Variants in MPP7 observed in about 807,000 individuals in gnomAD.
The protein encoded by MPP7 is MAGUK p55 scaffold protein 7.
Under a neutral mutation model 76.5 loss-of-function variants are expected in MPP7, and 60 were observed. The ratio of observed to expected loss-of-function variants is 0.78; its 90% CI spans 0.64 to 0.97. The LOEUF is 0.97. Among genes scored for constraint, MPP7 ranks in the 50% least tolerant of loss-of-function variants. MPP7 has a pLI of 0.00. For synonymous variants in MPP7, 237 were observed against 244.5 expected, an observed-to-expected ratio of 0.97 and a Z score of 0.29; for missense variants, 641 against 694.0, an observed-to-expected ratio of 0.92 and a Z score of 0.86.
chr10:28,253,384 G>A (rs371542353), intron 1 of MPP7, among the ~76,000 whole-genome samples: 3 of 152,086 alleles, frequency 2.0e-5, no homozygotes, highest in South Asian at 2.1e-4. Context: ...TAGTGAGCCC[G>A]ACAAATGTAA....
chr10:28,130,561 A>G (rs1015456106), intron 6 of MPP7, among the ~76,000 whole-genome samples: 6 of 152,214 alleles, frequency 3.9e-5, no homozygotes, highest in African/African-American at 1.4e-4. Flanking sequence ...ATTTCAGCTT[A>G]GCTTCCAGCA....
rs116070510 is a variant in MPP7, at chr10:28,173,664, A to C, written c.157-23605T>G. Among the ~76,000 whole-genome samples, 1,052 of 152,298 alleles carry C rather than the reference A, an allele frequency of 6.9e-3. 11 individuals are homozygous for C. The highest frequency in any genetic ancestry group is 0.024 in the African/African-American group (986 of 41,556). On this transcript the variant is annotated intron_variant, in intron 3 of 16. Coordinates refer to ENST00000683449, the MANE Select transcript of MPP7 (RefSeq NM_001318170.2). ...CATCCTCAACTATTCCTTTGTAGCA[A>C]CACAAAACAAAGATAACCCGCAACC...
At chr10:28,244,338 G>C (rs1446647363) in intron 1 of MPP7, among the ~76,000 whole-genome samples, 2 of 152,132 alleles carry the variant, frequency 1.3e-5, no homozygotes, top group African/African-American at 4.8e-5. Flanking sequence ...TAAAGATTCA[G>C]TTCTTAATCA....
intron 3 of MPP7, among the ~76,000 whole-genome samples, chr10:28,167,314 A>ACAAACAAAC (rs1554844807): frequency 2.2e-5 from 3 of 137,872 alleles, no homozygotes; most frequent in African/African-American, 8.1e-5. Flanking sequence ...CTGCCTCAAA[A>ACAAACAAAC]AAACAAACAA....
chr10:28,200,089 G>A (rs572036945), intron 3 of MPP7, among the ~76,000 whole-genome samples: 10 of 152,214 alleles, frequency 6.6e-5, no homozygotes, highest in South Asian at 4.1e-4. Context: ...CAAGATTTAC[G>A]TACAAAAGCT....
intron 6 of MPP7, among the ~76,000 whole-genome samples, chr10:28,126,098 A>G (rs1396494425): frequency 6.6e-6 from 1 of 152,258 alleles, no homozygotes; most frequent in Non-Finnish European, 1.5e-5. Flanking sequence ...GTCCATCTGT[A>G]ATAAGTATCC....
At chr10:28,293,092 T>A (rs1261426466) in intron 1 of MPP7, among the ~76,000 whole-genome samples, 1 of 145,378 alleles carries the variant, frequency 6.9e-6, no homozygotes, top group Non-Finnish European at 1.5e-5. Context: ...AGATTCCGTT[T>A]AATGAAAGAT....
At chr10:28,170,352 TAA>T (rs1836639135) in intron 3 of MPP7, among the ~76,000 whole-genome samples, 1 of 151,710 alleles carries the variant, frequency 6.6e-6, no homozygotes, top group South Asian at 2.1e-4. Context: ...TTTTTTTATA[TAA>T]AGATGGGGTC....
chr10:28,062,796 C>G, intron 13 of MPP7, among the ~76,000 whole-genome samples: 1 of 152,060 alleles, frequency 6.6e-6, no homozygotes, highest in East Asian at 1.9e-4. Context: ...CTGTTTTCCC[C>G]TGAGATCAGG....
At chr10:28,167,314 AAAAC>A (rs71391017) in intron 3 of MPP7, among the ~76,000 whole-genome samples, 16 of 137,968 alleles carry the variant, frequency 1.2e-4, no homozygotes, top group South Asian at 5.3e-4. Flanking sequence ...CTGCCTCAAA[AAAAC>A]AAACAAACAA....
intron 2 of MPP7, among the ~76,000 whole-genome samples, chr10:28,318,258 G>A (rs1050779243): frequency 2.6e-5 from 4 of 152,176 alleles, no homozygotes; most frequent in African/African-American, 9.7e-5. Context: ...GAACAGGGAT[G>A]TTATGATCAT....
intron 1 of MPP7, among the ~76,000 whole-genome samples, chr10:28,239,114 ATT>A (rs979846672): frequency 2.9e-4 from 44 of 151,970 alleles, no homozygotes; most frequent in African/African-American, 1.0e-3. Context: ...GACTATATAA[ATT>A]GTCAGCAACT....
At chr10:28,168,935 T>C (rs1836582820) in intron 3 of MPP7, among the ~76,000 whole-genome samples, 1 of 152,206 alleles carries the variant, frequency 6.6e-6, no homozygotes, top group Admixed American at 6.5e-5. Flanking sequence ...CATCCTTTTT[T>C]ATATGTATAA....
intron 1 of MPP7, among the ~76,000 whole-genome samples, chr10:28,269,151 C>T (rs1432282219): frequency 6.6e-6 from 1 of 152,192 alleles, no homozygotes; most frequent in East Asian, 1.9e-4. Flanking sequence ...GTCTCTAAAA[C>T]CCTGCTCATC....
chr10:28,292,142 CCTG>C (rs2133130410), intron 1 of MPP7, among the ~76,000 whole-genome samples: 1 of 152,302 alleles, frequency 6.6e-6, no homozygotes, highest in South Asian at 2.1e-4. Context: ...AGGACAGTAA[CCTG>C]CTGCACAGGT....
chr10:28,269,007 C>T (rs574927661), intron 1 of MPP7, among the ~76,000 whole-genome samples: 1 of 152,308 alleles, frequency 6.6e-6, no homozygotes, highest in East Asian at 1.9e-4. Flanking sequence ...ATATATACAG[C>T]AAATCCACCT....
chr10:28,300,186 CTGTT>C (rs1025885243), intron 1 of MPP7, among the ~76,000 whole-genome samples: 11 of 152,090 alleles, frequency 7.2e-5, no homozygotes, highest in African/African-American at 2.4e-4. Context: ...AAACAAAAAT[CTGTT>C]TGAAATCTCC....
At position 28,057,965 on chromosome 10, in the gene MPP7, T is replaced by C. The variant is rs1851629033; in HGVS notation, c.1407+530A>G. The C allele has an allele frequency of 5.6e-6, 5 of 897,304 alleles. No individual in the cohort carries two copies. The South Asian group carries it at 7.4e-5, about 13-fold the overall frequency. 55.6% of individuals were successfully genotyped at this position (897,304 alleles called of 1,614,324 possible). On this transcript the variant is annotated intron_variant, in intron 15 of 16. Coordinates refer to ENST00000683449, the MANE Select transcript of MPP7 (RefSeq NM_001318170.2). ...TCAGTTCAGAATGTTCATAATGGAGTTTCCAGGATGACAGGTGCAGACATG... is the reference window on the plus strand; with the variant it reads ...TCAGTTCAGAATGTTCATAATGGAGCTTCCAGGATGACAGGTGCAGACATG...
intron 3 of MPP7, among the ~76,000 whole-genome samples, chr10:28,196,548 C>T (rs1416251598): frequency 6.6e-6 from 1 of 151,098 alleles, no homozygotes; most frequent in Non-Finnish European, 1.5e-5. Context: ...AGATATCAAA[C>T]ATAACCAAAA....
Sources: gnomAD v4.1 joint callset for allele counts (sites outside exome capture counted in the v4.1 genomes callset) on GRCh38, gnomAD v4.1.1 for gene constraint, MANE v1.5 for transcripts, NCBI Gene and HGNC (gene_info 2026-07-23, HGNC 2026-07-21) for gene names.